The following LRP1B variants were observed in gnomAD, a reference collection of about 807,000 sequenced individuals.
LRP1B encodes the protein low-density lipoprotein receptor-related protein 1B.
LRP1B carries 217 observed loss-of-function variants against 556.6 expected under a neutral mutation model. That is an observed-to-expected ratio of 0.39 (90% CI 0.35 to 0.44). LRP1B has a LOEUF of 0.44. Ranked by LOEUF, LRP1B falls within the 20% of genes least tolerant of loss-of-function variation. The pLI is 1.00. For synonymous variants in LRP1B, 2,047 were observed against 1,865.8 expected (o/e 1.10, Z -2.50); for missense variants, 5,053 against 5,620.8 (o/e 0.90, Z 3.23).
intron 86 of LRP1B, among the ~76,000 whole-genome samples, chr2:140,259,495 T>A (rs1681837884): frequency 6.6e-6 from 1 of 152,038 alleles, no homozygotes; most frequent in African/African-American, 2.4e-5. Context: ...AAATCATTTT[T>A]CTATTATTTT....
intron 3 of LRP1B, among the ~76,000 whole-genome samples, chr2:141,297,458 T>A (rs115634963): frequency 1.9e-4 from 29 of 152,268 alleles, no homozygotes; most frequent in African/African-American, 7.0e-4. Context: ...GGGAGGTACT[T>A]GGGACAATTT....
chr2:141,126,100 C>T (rs971209084), intron 7 of LRP1B, among the ~76,000 whole-genome samples: 12 of 151,350 alleles, frequency 7.9e-5, no homozygotes, highest in Admixed American at 6.6e-5. Context: ...GGCAAGATCT[C>T]AGCTCACTGC....
At chr2:141,632,021 G>A (rs1398461608) in intron 2 of LRP1B, among the ~76,000 whole-genome samples, 1 of 151,910 alleles carries the variant, frequency 6.6e-6, no homozygotes. Flanking sequence ...CTGGGATCAA[G>A]CAATCCTCCC....
intron 2 of LRP1B, among the ~76,000 whole-genome samples, chr2:141,495,557 C>T (rs1406201318): frequency 1.3e-5 from 2 of 151,926 alleles, no homozygotes; most frequent in African/African-American, 4.8e-5. Flanking sequence ...AATAAAAATT[C>T]CAAAAAAGTA....
intron 66 of LRP1B, among the ~76,000 whole-genome samples, chr2:140,424,657 T>C (rs866745261): frequency 1.3e-5 from 2 of 152,204 alleles, no homozygotes; most frequent in African/African-American, 4.8e-5. Context: ...ACAGTCCATA[T>C]TGAAGAAGAC....
intron 20 of LRP1B, among the ~76,000 whole-genome samples, chr2:140,928,208 A>C (rs765294659): frequency 1.3e-4 from 20 of 152,216 alleles, no homozygotes; most frequent in Non-Finnish European, 2.4e-4. Context: ...CTTTCAATAA[A>C]TAATTATACA....
intron 21 of LRP1B, among the ~76,000 whole-genome samples, chr2:140,911,114 T>G (rs370220341): frequency 1.3e-5 from 2 of 151,802 alleles, no homozygotes; most frequent in Non-Finnish European, 3.0e-5. Flanking sequence ...TCTACATAAG[T>G]GAATGAAAAC....
intron 18 of LRP1B, among the ~76,000 whole-genome samples, chr2:140,964,497 G>A (rs1696137967): frequency 6.6e-6 from 1 of 151,974 alleles, no homozygotes. Context: ...GCTTGGTGAC[G>A]GGCGTCTTCC....
chr2:140,663,284 G>GTCA (rs1445514737), intron 41 of LRP1B, among the ~76,000 whole-genome samples: 1 of 151,962 alleles, frequency 6.6e-6, no homozygotes, highest in African/African-American at 2.4e-5. Context: ...AAATACACTG[G>GTCA]TCATCATCAT....
At chr2:141,560,851 T>C (rs1269076106) in intron 2 of LRP1B, among the ~76,000 whole-genome samples, 31 of 151,608 alleles carry the variant, frequency 2.0e-4, no homozygotes, top group Admixed American at 2.0e-3. Context: ...TCAGGAAATA[T>C]AACCTCTATT....
intron 7 of LRP1B, among the ~76,000 whole-genome samples, chr2:141,102,353 G>A (rs1030388854): frequency 6.6e-6 from 1 of 152,090 alleles, no homozygotes; most frequent in Non-Finnish European, 1.5e-5. Context: ...CATACTATGA[G>A]CCTAATCCTG....
intron 43 of LRP1B, among the ~76,000 whole-genome samples, chr2:140,591,324 G>A (rs1682215694): frequency 6.6e-6 from 1 of 152,158 alleles, no homozygotes; most frequent in South Asian, 2.1e-4. Context: ...TATTCAATTG[G>A]CTGATCTGTT....
At chr2:140,833,733 TG>T (rs1167262316) in intron 31 of LRP1B, among the ~76,000 whole-genome samples, 2 of 152,250 alleles carry the variant, frequency 1.3e-5, no homozygotes, top group Admixed American at 6.5e-5. Flanking sequence ...TTTCTTTCTC[TG>T]GTAGAACTCT....
intron 2 of LRP1B, among the ~76,000 whole-genome samples, chr2:141,748,475 T>C (rs1206139133): frequency 6.6e-6 from 1 of 152,160 alleles, no homozygotes; most frequent in Non-Finnish European, 1.5e-5. Context: ...CTTCTTCCTC[T>C]GGGCAAGCGC....
intron 1 of LRP1B, among the ~76,000 whole-genome samples, chr2:142,043,355 A>G (rs1704128816): frequency 6.6e-6 from 1 of 151,626 alleles, no homozygotes; most frequent in Non-Finnish European, 1.5e-5. Flanking sequence ...ATGGTATGAT[A>G]GCAATGACTA....
At chr2:141,804,680 A>G (rs1308746187) in intron 2 of LRP1B, among the ~76,000 whole-genome samples, 1 of 152,006 alleles carries the variant, frequency 6.6e-6, no homozygotes, top group East Asian at 1.9e-4. Context: ...TCAAGGTAAG[A>G]TGCATCATTG....
chr2:141,999,615 C>T (rs981404796), intron 1 of LRP1B, among the ~76,000 whole-genome samples: 27 of 152,026 alleles, frequency 1.8e-4, no homozygotes, highest in African/African-American at 5.8e-4. Flanking sequence ...TAAGCCATAC[C>T]TTTCTATTTA....
chr2:140,833,451 T>C (rs1008718896), intron 31 of LRP1B, among the ~76,000 whole-genome samples: 1 of 152,198 alleles, frequency 6.6e-6, no homozygotes, highest in African/African-American at 2.4e-5. Flanking sequence ...AAATCTTACG[T>C]GTTTTTATTA....
intron 15 of LRP1B, among the ~76,000 whole-genome samples, chr2:140,996,368 T>C (rs918742287): frequency 1.3e-5 from 2 of 152,002 alleles, no homozygotes; most frequent in African/African-American, 4.8e-5. Context: ...AAGAAAACAT[T>C]TAATGTGCCA....
Sources: gnomAD v4.1 joint callset for allele counts (sites outside exome capture counted in the v4.1 genomes callset) on GRCh38, gnomAD v4.1.1 for gene constraint, MANE v1.5 for transcripts, NCBI Gene and HGNC (gene_info 2026-07-23, HGNC 2026-07-21) for gene names.